SERPINI1: variants seen among roughly 807,000 people sequenced by gnomAD.
SERPINI1 encodes neuroserpin.
In SERPINI1, 19 loss-of-function variants were observed where a neutral mutation model predicts 41.1. The ratio of observed to expected loss-of-function variants is 0.46; its 90% CI spans 0.32 to 0.68. The LOEUF (loss-of-function observed/expected upper bound fraction) is 0.68. SERPINI1 is among the 30% of genes least tolerant of loss of function. The pLI is 0.03. For synonymous variants in SERPINI1, 138 were observed against 156.6 expected (o/e 0.88, Z 0.89); for missense variants, 460 against 479.2 (o/e 0.96, Z 0.37).
In SERPINI1 at chr3:167,779,416, T is replaced by G. The variant is rs144967063; in HGVS notation, c.-18-9695T>G. 4.6e-5 allele frequency among the ~76,000 whole-genome samples: 7 copies of G among 152,290 alleles called. No individual in the cohort carries two copies. In the East Asian group the frequency reaches 1.2e-3, roughly 25 times the overall value. ...TACCAAAATACATTTGCTTAATAGA[T>G]GCAAACTGGCCAATATCCACAGGGC... On this transcript the variant is annotated intron_variant, in intron 1 of 8. Transcript: ENST00000446050.
intron 1 of SERPINI1, among the ~76,000 whole-genome samples, chr3:167,758,575 A>T (rs961390241): frequency 1.3e-5 from 2 of 152,200 alleles, no homozygotes; most frequent in Non-Finnish European, 2.9e-5. Flanking sequence ...GTGTTCAAAG[A>T]TATGATGAGT....
Position 167,802,847 on chromosome 3 carries a change from A to G in SERPINI1, c.882-4397A>G, listed in dbSNP as rs996303946. Reference sequence around the variant, plus strand: ...GCACACGTATGTTTATTGAGGCATTATTCACAATAGCAAAGACTTGGAACC... The same window carrying G: ...GCACACGTATGTTTATTGAGGCATTGTTCACAATAGCAAAGACTTGGAACC... On this transcript the variant is annotated intron_variant, in intron 5 of 8. Coordinates refer to ENST00000446050, the MANE Select transcript of SERPINI1 (RefSeq NM_001122752.2). Among the ~76,000 whole-genome samples the G allele has an allele frequency of 2.0e-5, 3 of 151,122 alleles. No individual in the cohort carries two copies. In the East Asian group the frequency reaches 5.8e-4, roughly 29 times the overall value.
chr3:167,798,967 C>T (rs1577424483), intron 5 of SERPINI1, among the ~76,000 whole-genome samples: 1 of 152,096 alleles, frequency 6.6e-6, no homozygotes, highest in African/African-American at 2.4e-5. Flanking sequence ...AACCTACATA[C>T]GTATCCCTTG....
chr3:167,789,049 C>T (rs1727406398), intron 1 of SERPINI1, 62 bp from the exon 2 acceptor site: 2 of 1,520,192 alleles, frequency 1.3e-6, no homozygotes, highest in East Asian at 4.5e-5. Context: ...CCAACATATC[C>T]TTCCATGAGA....
chr3:167,790,226 C>T, intron 2 of SERPINI1, 146 bp from the exon 3 acceptor site: 1 of 654,148 alleles, frequency 1.5e-6, no homozygotes, highest in Non-Finnish European at 2.8e-6. Context: ...AGTATTGGAC[C>T]ATATCAATGT....
chr3:167,789,065 G>T, intron 1 of SERPINI1, 46 bp from the exon 2 acceptor site: 1 of 1,576,992 alleles, frequency 6.3e-7, no homozygotes, highest in Non-Finnish European at 8.7e-7. Flanking sequence ...TGAGACTTTT[G>T]TTATAGAGAT....
Position 167,821,413 on chromosome 3 carries a change from G to C in SERPINI1, c.980-1573G>C, listed in dbSNP as rs1268358923. Among the ~76,000 whole-genome samples the C allele has an allele frequency of 3.3e-5, 5 of 152,202 alleles. No individual in the cohort carries two copies. The South Asian group carries it at 6.2e-4, about 19-fold the overall frequency. On this transcript the variant is annotated intron_variant, in intron 6 of 8. Coordinates refer to ENST00000446050, the MANE Select transcript of SERPINI1 (RefSeq NM_001122752.2). ...AACGCCACCACATTTCCTGGTGCCA[G>C]CAGTGGAAGCTGCTTGTGGTACTTC...
chr3:167,752,396 A>G lies in SERPINI1; in HGVS notation c.-19+16573A>G, dbSNP rs549512011. Among the ~76,000 whole-genome samples the G allele has an allele frequency of 4.6e-5, 7 of 152,246 alleles. No homozygotes were observed. In the South Asian group the frequency reaches 1.5e-3, roughly 32 times the overall value. On this transcript the variant is annotated intron_variant, in intron 1 of 8. Coordinates refer to ENST00000446050, the MANE Select transcript of SERPINI1 (RefSeq NM_001122752.2). ...TGTTCCAGCCTTCTCCATCTTAATG[A>G]AGGACAGCTCCACCTACCTACCCAG... is the stretch of plus-strand genomic sequence containing the variant.
Position 167,789,165 on chromosome 3 carries a change from C to A in SERPINI1, c.37C>A (p.Gln13Lys). 1.2e-6 allele frequency: 2 copies of A among 1,614,102 alleles called. No individual in the cohort carries two copies. Among genetic ancestry groups the A allele is most frequent in the Non-Finnish European group, 8.5e-7 (1 of 1,179,996 alleles). Residue 13 changes from glutamine (Q) to lysine (K), a missense_variant, in exon 2 of 9, where the codon CAA (glutamine) becomes AAA (lysine). Coordinates refer to ENST00000446050, the MANE Select transcript of SERPINI1 (RefSeq NM_001122752.2). ...TGGACTCTTCTCTTTGCTGGTTCTG[C>A]AAAGTATGGCTACAGGGGCCACTTT... ...FLGLFSLLVL[Q>K]SMATGATFPE...
At chr3:167,799,754 G>A (rs1470701880) in intron 5 of SERPINI1, among the ~76,000 whole-genome samples, 1 of 152,070 alleles carries the variant, frequency 6.6e-6, no homozygotes, top group African/African-American at 2.4e-5. Flanking sequence ...ATGAGATGGT[G>A]GTATCTTATT....
At chr3:167,810,635 T>C (rs537469625) in intron 6 of SERPINI1, among the ~76,000 whole-genome samples, 2 of 152,310 alleles carry the variant, frequency 1.3e-5, no homozygotes, top group African/African-American at 4.8e-5. Context: ...TGCCTTGATA[T>C]TGATGGTTTC....
chr3:167,795,756 C>A (rs1336394137), intron 5 of SERPINI1, among the ~76,000 whole-genome samples: 2 of 152,070 alleles, frequency 1.3e-5, no homozygotes, highest in Non-Finnish European at 2.9e-5. Context: ...AGCCAGTTTT[C>A]CTTCCTGTAG....
chr3:167,787,807 C>G (rs1190585129), intron 1 of SERPINI1, among the ~76,000 whole-genome samples: 1 of 152,192 alleles, frequency 6.6e-6, no homozygotes, highest in Non-Finnish European at 1.5e-5. Context: ...TTGCTTCTAA[C>G]ATGAAAATGT....
intron 5 of SERPINI1, among the ~76,000 whole-genome samples, chr3:167,801,217 G>A (rs913702842): frequency 7.9e-5 from 12 of 152,236 alleles, no homozygotes; most frequent in African/African-American, 2.9e-4. Flanking sequence ...TCCTACCTAG[G>A]ATATATTTGT....
At chr3:167,774,380 T>C (rs1351533482) in intron 1 of SERPINI1, among the ~76,000 whole-genome samples, 1 of 152,170 alleles carries the variant, frequency 6.6e-6, no homozygotes, top group Non-Finnish European at 1.5e-5. Flanking sequence ...GAGAAAATTA[T>C]GGTTATTGGC....
intron 1 of SERPINI1, among the ~76,000 whole-genome samples, chr3:167,781,189 G>A (rs534973666): frequency 2.6e-5 from 4 of 151,996 alleles, no homozygotes; most frequent in South Asian, 2.1e-4. Context: ...ACACAGGCCC[G>A]GAAACTTTCA....
chr3:167,814,982 A>T (rs1712024053), intron 6 of SERPINI1, among the ~76,000 whole-genome samples: 1 of 152,230 alleles, frequency 6.6e-6, no homozygotes, highest in South Asian at 2.1e-4. Context: ...TTGAGAGAAT[A>T]GCTAACTTTT....
At position 167,746,797 on chromosome 3, in the gene SERPINI1, C is replaced by G. The variant is rs533261969; in HGVS notation, c.-19+10974C>G. 8.5e-5 allele frequency among the ~76,000 whole-genome samples: 13 copies of G among 152,308 alleles called. No homozygotes were observed. The South Asian group carries it at 2.3e-3, about 27-fold the overall frequency. On this transcript the variant is annotated intron_variant, in intron 1 of 8. Transcript: ENST00000446050. Reference sequence around the variant, plus strand: ...GTGAGGATGTGGGAATATTTGAACCCTCATAATATTTTTTGAAACTCATAA... The same window carrying G: ...GTGAGGATGTGGGAATATTTGAACCGTCATAATATTTTTTGAAACTCATAA...
rs140173519 is a variant in SERPINI1 at position 167,782,100 on chromosome 3, CTTG to C, written c.-18-7005_-18-7003del. 4.3e-4 allele frequency among the ~76,000 whole-genome samples: 65 copies of C among 152,220 alleles called. 1 individual carries two copies. In the East Asian group the frequency reaches 0.011, roughly 25 times the overall value. ...TATTACTATTCTGGTACTGCAGCCT[CTTG>C]TTGTTTTTATGTAAAGGCATTTTAC... On this transcript the variant is annotated intron_variant, in intron 1 of 8. Transcript: ENST00000446050.
Sources: allele counts gnomAD v4.1 joint callset (sites outside exome capture counted in the v4.1 genomes callset), GRCh38; gene constraint gnomAD v4.1.1; transcripts MANE v1.5; gene names NCBI Gene and HGNC (gene_info 2026-07-23, HGNC 2026-07-21).